The following LRRC7 variants were observed in gnomAD, a reference collection of about 807,000 sequenced individuals.
The protein encoded by LRRC7 is leucine-rich repeat-containing protein 7.
A neutral mutation model predicts 175.7 loss-of-function variants in LRRC7; 23 were observed. The ratio of observed to expected loss-of-function variants is 0.13; its 90% CI spans 0.09 to 0.19. The LOEUF (loss-of-function observed/expected upper bound fraction) is 0.19, where lower values mean the gene tolerates loss of function less well. Ranked by LOEUF, LRRC7 falls within the 10% of genes least tolerant of loss-of-function variation. The pLI, the probability that LRRC7 is intolerant of heterozygous loss-of-function variation, is 1.00. For missense variants in LRRC7, 1,354 were observed against 1,904.7 expected, an observed-to-expected ratio of 0.71 and a Z score of 5.38; for synonymous variants, 685 against 680.9, an observed-to-expected ratio of 1.01 and a Z score of -0.09.
intron 1 of LRRC7, among the ~76,000 whole-genome samples, chr1:69,609,878 G>T (rs1032312848): frequency 1.3e-5 from 2 of 152,000 alleles, no homozygotes; most frequent in African/African-American, 4.8e-5. Context: ...CATTTTATAA[G>T]CTGTATTCCA....
At chr1:69,653,953 G>T (rs1488021970) in intron 1 of LRRC7, among the ~76,000 whole-genome samples, 5 of 152,006 alleles carry the variant, frequency 3.3e-5, no homozygotes, top group African/African-American at 1.2e-4. Flanking sequence ...TCCAGGAGTT[G>T]AGAGGAGGAG....
intron 7 of LRRC7, among the ~76,000 whole-genome samples, chr1:69,930,593 C>T (rs1474004992): frequency 1.3e-5 from 2 of 152,138 alleles, no homozygotes. Flanking sequence ...CTTGGGTTCC[C>T]TGAACTTTTG....
intron 2 of LRRC7, among the ~76,000 whole-genome samples, chr1:69,708,872 A>G (rs888360992): frequency 4.3e-4 from 66 of 152,214 alleles, no homozygotes; most frequent in African/African-American, 1.5e-3. Flanking sequence ...TAAGGGATAA[A>G]TTGAGAACCG....
chr1:69,574,653 T>C (rs535985078), intron 1 of LRRC7, among the ~76,000 whole-genome samples: 12 of 152,122 alleles, frequency 7.9e-5, no homozygotes, highest in Non-Finnish European at 1.3e-4. Context: ...TTGCAAATAA[T>C]AGACTTATAA....
intron 8 of LRRC7, among the ~76,000 whole-genome samples, chr1:69,938,995 T>TCATATA: frequency 1.0e-5 from 1 of 97,584 alleles, no homozygotes; most frequent in East Asian, 3.7e-4. Flanking sequence ...AGGCTGTAGA[T>TCATATA]TATATATATA....
chr1:70,023,037 A>G, intron 16 of LRRC7, 89 bp from the exon 17 acceptor site: 14 of 1,389,724 alleles, frequency 1.0e-5, no homozygotes, highest in Non-Finnish European at 1.3e-5. Context: ...CTCAGAGTGA[A>G]AGAAAAAGAG....
At chr1:69,727,755 T>C (rs751222728) in intron 2 of LRRC7, among the ~76,000 whole-genome samples, 14 of 152,220 alleles carry the variant, frequency 9.2e-5, no homozygotes, top group Non-Finnish European at 2.1e-4. Flanking sequence ...ATATTTTCTG[T>C]GGGACTTTAC....
intron 1 of LRRC7, among the ~76,000 whole-genome samples, chr1:69,609,330 T>G (rs757633513): frequency 2.0e-5 from 3 of 152,100 alleles, no homozygotes; most frequent in African/African-American, 4.8e-5. Context: ...TTTAATATGT[T>G]AATCTATATA....
chr1:70,066,875 T>C (rs1205524815), intron 23 of LRRC7, among the ~76,000 whole-genome samples: 1 of 152,086 alleles, frequency 6.6e-6, no homozygotes, highest in Non-Finnish European at 1.5e-5. Flanking sequence ...TTAGTTTTTC[T>C]TCATCATCTC....
chr1:70,004,231 A>G (rs1350617796), intron 11 of LRRC7, among the ~76,000 whole-genome samples: 1 of 152,168 alleles, frequency 6.6e-6, no homozygotes, highest in Non-Finnish European at 1.5e-5. Context: ...TTGGTACTAA[A>G]ATGGGGTGTG....
intron 8 of LRRC7, among the ~76,000 whole-genome samples, chr1:69,961,309 A>C (rs1651060290): frequency 6.6e-6 from 1 of 152,296 alleles, no homozygotes; most frequent in Middle Eastern, 3.4e-3. Context: ...AGAGCTACAA[A>C]CCACTGCTCC....
At position 69,666,931 on chromosome 1, in the gene LRRC7, G is replaced by A. The variant is rs559380428; in HGVS notation, c.3-11450G>A. Among the ~76,000 whole-genome samples, 6 of 152,074 alleles carry A rather than the reference G, an allele frequency of 3.9e-5. No homozygotes were observed. The South Asian group carries it at 1.0e-3, about 26-fold the overall frequency. On this transcript the variant is annotated intron_variant, in intron 1 of 26. Coordinates refer to ENST00000651989, the MANE Select transcript of LRRC7 (RefSeq NM_001370785.2). ...TTATTTGAAGTTTTTCTTTTGTGAT[G>A]TAGGCACTAATAGCTATAAACTTCC...
At chr1:69,966,811 C>T (rs760182868) in intron 8 of LRRC7, among the ~76,000 whole-genome samples, 11 of 152,322 alleles carry the variant, frequency 7.2e-5, no homozygotes, top group Admixed American at 2.0e-4. Context: ...GAGGAAGCAG[C>T]GGGAAAATCC....
intron 1 of LRRC7, among the ~76,000 whole-genome samples, chr1:69,651,363 G>A (rs774045245): frequency 1.4e-4 from 22 of 152,084 alleles, no homozygotes; most frequent in African/African-American, 4.3e-4. Context: ...GCAAAATTAC[G>A]CATCCTTTGG....
chr1:69,718,131 A>AG lies in LRRC7; in HGVS notation c.100+39653_100+39654insG, dbSNP rs1491386363. ...AGAAAAAGAAAGAAAGAAAGAAAAG[A>AG]AAGAAAGAGAGAGAAAGAAAGAAAG... On this transcript the variant is annotated intron_variant, in intron 2 of 26. Coordinates refer to ENST00000651989, the MANE Select transcript of LRRC7 (RefSeq NM_001370785.2). 6.9e-3 allele frequency among the ~76,000 whole-genome samples: 373 copies of AG among 54,332 alleles called. 9 individuals carry two copies. The highest frequency in any genetic ancestry group is 0.018 in the African/African-American group (128 of 6,976). 35.6% of individuals were successfully genotyped at this position (54,332 alleles called of 152,430 possible). A position where few individuals can be genotyped will look rare whatever the true frequency, so the allele number is the denominator to read the frequency against.
At chr1:69,763,367 ACT>A (rs1390362619) in intron 3 of LRRC7, among the ~76,000 whole-genome samples, 2 of 151,752 alleles carry the variant, frequency 1.3e-5, no homozygotes, top group East Asian at 3.9e-4. Context: ...ACTCCTTAAA[ACT>A]CTTTCTGAGA....
intron 7 of LRRC7, among the ~76,000 whole-genome samples, chr1:69,843,533 TG>T (rs1174914688): frequency 1.3e-5 from 2 of 152,106 alleles, no homozygotes; most frequent in Admixed American, 1.3e-4. Context: ...ATCTCGTAAA[TG>T]GTGTATCTAT....
chr1:69,642,322 TAATGCA>T (rs983630536), intron 1 of LRRC7, among the ~76,000 whole-genome samples: 1 of 152,010 alleles, frequency 6.6e-6, no homozygotes, highest in African/African-American at 2.4e-5. Flanking sequence ...GAAATTTTTC[TAATGCA>T]AATAAACCAT....
At chr1:70,118,608 A>G (rs17131220) in intron 26 of LRRC7, among the ~76,000 whole-genome samples, 19,816 of 152,170 alleles carry the variant, frequency 0.13, 1,806 homozygotes, top group African/African-American at 0.25. Context: ...TATTATTTCA[A>G]TGAAGTAATG....
Sources: gnomAD v4.1 joint callset for allele counts (sites outside exome capture counted in the v4.1 genomes callset) on GRCh38, gnomAD v4.1.1 for gene constraint, MANE v1.5 for transcripts, NCBI Gene and HGNC (gene_info 2026-07-23, HGNC 2026-07-21) for gene names.